The following ZNF611 variants were observed in gnomAD, a reference collection of about 807,000 sequenced individuals.
ZNF611 encodes zinc finger protein 611.
A neutral mutation model predicts 8.9 loss-of-function variants in ZNF611; 6 were observed. The ratio of observed to expected loss-of-function variants is 0.68; its 90% CI spans 0.37 to 1.34. The LOEUF (loss-of-function observed/expected upper bound fraction) is 1.34, where lower values mean the gene tolerates loss of function less well. ZNF611 is among the 40% of genes most tolerant of loss of function. The probability of loss-of-function intolerance (pLI) is 0.02; values close to 1 mark genes in which losing one functional copy is unlikely to be tolerated. For synonymous variants in ZNF611, 262 were observed against 279.7 expected (o/e 0.94, Z 0.63); for missense variants, 874 against 841.3 (o/e 1.04, Z -0.48).
At chr19:52,708,096 C>T (rs951134213) in intron 5 of ZNF611, 3 of 152,160 alleles carry the variant, frequency 2.0e-5, no homozygotes, top group Admixed American at 1.3e-4. Flanking sequence ...CTAAACAACT[C>T]CCTCTTAAGA....
chr19:52,726,936 G>T (rs1050140062), intron 3 of ZNF611, among the ~76,000 whole-genome samples: 1 of 151,964 alleles, frequency 6.6e-6, no homozygotes. Context: ...TGAGATCATG[G>T]CCCACTGCAG....
chr19:52,724,132 G>C (rs1461547011), intron 3 of ZNF611: 2 of 152,216 alleles, frequency 1.3e-5, no homozygotes, highest in Non-Finnish European at 2.9e-5. Context: ...CCCTTTACGG[G>C]TGTCTGGCTG....
At chr19:52,706,985 G>A in intron 5 of ZNF611, 121 bp from the exon 6 acceptor site, 7 of 1,462,026 alleles carry the variant, frequency 4.8e-6, no homozygotes, top group Non-Finnish European at 6.4e-6. Flanking sequence ...CATCTTCAAA[G>A]TTTAGGAAAA....
intron 4 of ZNF611, among the ~76,000 whole-genome samples, 165 bp from the exon 5 acceptor site, chr19:52,714,306 T>C (rs556378769): frequency 1.8e-4 from 27 of 152,186 alleles, no homozygotes; most frequent in Non-Finnish European, 3.4e-4. Context: ...TTGCGTTTTA[T>C]TGTAGTTTTC....
rs1418940508 is a variant in ZNF611, at chr19:52,706,646, C to T, written c.409G>A (p.Gly137Ser). Reference protein sequence around the residue: ...APMTKIKKLTGSTDQHDHRHA... With the variant: ...APMTKIKKLTSSTDQHDHRHA... ...CTGTGATCATGTTGGTCTGTGCTAC[C>T]AGTCAACTTTTTTATTTTTGTCATG... is the stretch of plus-strand genomic sequence containing the variant. Residue 137 changes from glycine (G) to serine (S), a missense_variant, in exon 6 of 6, where the codon GGT (glycine) becomes AGT (serine). Coordinates refer to ENST00000652185, the MANE Select transcript of ZNF611 (RefSeq NM_001161499.2). 1 of 1,613,876 alleles carries T rather than the reference C, an allele frequency of 6.2e-7. No homozygotes were observed. The highest frequency in any genetic ancestry group is 1.7e-5 in the Admixed American group (1 of 59,940).
chr19:52,720,169 TTTC>T (rs941902110), intron 3 of ZNF611, among the ~76,000 whole-genome samples: 3 of 152,250 alleles, frequency 2.0e-5, no homozygotes, highest in African/African-American at 7.2e-5. Flanking sequence ...TGTCTACTTC[TTTC>T]TACACAGACA....
chr19:52,706,205 C>G lies in ZNF611; in HGVS notation c.850G>C (p.Glu284Gln). 1 of 1,614,156 alleles carries G rather than the reference C, an allele frequency of 6.2e-7. No homozygotes were observed. The highest frequency in any genetic ancestry group is 8.5e-7 in the Non-Finnish European group (1 of 1,180,018). The change falls in exon 6 of 6, where the codon GAG (glutamate) becomes CAG (glutamine). Residue 284 changes from glutamate (E) to glutamine (Q), a missense_variant. Physicochemically the swap from Glu to Gln is conservative, Grantham distance 29. Coordinates refer to ENST00000652185, the MANE Select transcript of ZNF611 (RefSeq NM_001161499.2). ...LACHDRCHTV[E>Q]KPYKCKECGK... The stretch of plus-strand genomic sequence containing the variant: ...CACTCTTTACACTTGTAAGGTTTCT[C>G]AACAGTGTGACATCTATCATGGCAT...
chr19:52,704,327 A>T lies in ZNF611; in HGVS notation c.*610T>A. On this transcript the variant is annotated 3_prime_UTR_variant, in exon 6 of 6. Coordinates refer to ENST00000652185, the MANE Select transcript of ZNF611 (RefSeq NM_001161499.2). ...TCTGCATGGAGTGATCTTGGACTGA[A>T]GACCTTGCCACACTGATGACATTTG... 3.4e-6 allele frequency: 2 copies of T among 595,404 alleles called. No homozygotes were observed. The highest frequency in any genetic ancestry group is 6.6e-6 in the Non-Finnish European group (2 of 302,730). 36.9% of individuals were successfully genotyped at this position (595,404 alleles called of 1,614,324 possible). A position where few individuals can be genotyped will look rare whatever the true frequency, so the allele number is the denominator to read the frequency against.
chr19:52,734,118 ATC>A (rs1184061959), intron 1 of ZNF611, among the ~76,000 whole-genome samples: 8 of 83,444 alleles, frequency 9.6e-5, no homozygotes, highest in Non-Finnish European at 2.0e-4. Flanking sequence ...GTGATCCTTC[ATC>A]TCTCTGTACA....
chr19:52,734,858 G>C (rs1013369684), intron 1 of ZNF611, 143 bp downstream of exon 1: 2 of 152,340 alleles, frequency 1.3e-5, no homozygotes, highest in African/African-American at 4.8e-5. Context: ...CGACCCTCGG[G>C]CTCTCACGGG....
At position 52,703,674 on chromosome 19, in the gene ZNF611, C is replaced by T. The variant is rs1387745377; in HGVS notation, c.*1263G>A. The T allele has an allele frequency of 1.3e-5, 2 of 148,406 alleles. No homozygotes were observed. Among genetic ancestry groups the T allele is most frequent in the Non-Finnish European group, 3.0e-5 (2 of 67,682 alleles). The allele number at this position is 148,406 out of a possible 1,614,324, so 9.2% of individuals were successfully genotyped here. ...TGGTGCGATCTCGACTCCCTGCAAG[C>T]TCCGCCTCACAGGTTCATGCCATTC... On this transcript the variant is annotated 3_prime_UTR_variant, in exon 6 of 6. Coordinates refer to ENST00000652185, the MANE Select transcript of ZNF611 (RefSeq NM_001161499.2).
chr19:52,728,324 A>C (rs889044592), intron 3 of ZNF611, among the ~76,000 whole-genome samples: 2 of 152,172 alleles, frequency 1.3e-5, no homozygotes, highest in Non-Finnish European at 2.9e-5. Flanking sequence ...GGATCATCTG[A>C]AATCAGAAGT....
chr19:52,713,671 C>A (rs1177240731), intron 5 of ZNF611, among the ~76,000 whole-genome samples: 1 of 152,136 alleles, frequency 6.6e-6, no homozygotes, highest in Non-Finnish European at 1.5e-5. Flanking sequence ...GTGGGTGGAT[C>A]ACCTGAGGTC....
intron 5 of ZNF611, among the ~76,000 whole-genome samples, chr19:52,707,117 AAAGTAAGG>A (rs898384066): frequency 3.5e-4 from 54 of 152,336 alleles, no homozygotes; most frequent in African/African-American, 1.3e-3. Context: ...GTGTAAGCCT[AAAGTAAGG>A]AGTATTTTTC....
intron 4 of ZNF611, among the ~76,000 whole-genome samples, chr19:52,715,064 G>A (rs1190047236): frequency 6.6e-6 from 1 of 152,152 alleles, no homozygotes; most frequent in East Asian, 1.9e-4. Context: ...AGACATGCCA[G>A]ATATTATGTT....
In ZNF611 at chr19:52,706,167, G is replaced by A; in HGVS notation, c.888C>T (p.Phe296=). 5.0e-6 allele frequency: 8 copies of A among 1,614,022 alleles called. No homozygotes were observed. Among genetic ancestry groups the A allele is most frequent in the Non-Finnish European group, 6.8e-6 (8 of 1,179,940 alleles). ...GGCAGGTAAGGGATGACTCCTGACT[G>A]AAGGTCTTGCCACACTCTTTACACT... ...PYKCKECGKT[F]SQESSLTCHR... The change falls in exon 6 of 6, where the codon TTC becomes TTT. Residue 296 remains phenylalanine (F), a synonymous_variant. Coordinates refer to ENST00000652185, the MANE Select transcript of ZNF611 (RefSeq NM_001161499.2).
At position 52,714,437 on chromosome 19, in the gene ZNF611, C is replaced by A. The variant is rs1389933056; in HGVS notation, c.64-296G>T. 2.6e-5 allele frequency among the ~76,000 whole-genome samples: 4 copies of A among 151,866 alleles called. No individual in the cohort carries two copies. The East Asian group carries it at 5.8e-4, about 22-fold the overall frequency. ...GCATGGCAGTTCACGCTTGTAATCCCAACACTTCAGGAGGCCAAGGCGGGC... is the reference window on the plus strand; with the variant it reads ...GCATGGCAGTTCACGCTTGTAATCCAAACACTTCAGGAGGCCAAGGCGGGC... On this transcript the variant is annotated intron_variant, in intron 4 of 5. Coordinates refer to ENST00000652185, the MANE Select transcript of ZNF611 (RefSeq NM_001161499.2).
rs139650694 is a variant in ZNF611 at position 52,715,852 on chromosome 19, G to A, written c.43C>T (p.Pro15Ser). The A allele has an allele frequency of 1.1e-5, 17 of 1,612,870 alleles. No homozygotes were observed. The highest frequency in any genetic ancestry group is 2.2e-5 in the South Asian group (2 of 91,076). The change falls in exon 4 of 6, where the codon CCA (proline) becomes TCA (serine). Residue 15 changes from proline to serine, a missense_variant. Pro to Ser is a moderately conservative substitution (Grantham distance 74, BLOSUM62 -1). Coordinates refer to ENST00000652185, the MANE Select transcript of ZNF611 (RefSeq NM_001161499.2). ...TTCACCTGAGGAAGAGCCATGCCTG[G>A]CTCCTTTCCTTTCCTCTTCTGAGCT... is the stretch of plus-strand genomic sequence containing the variant. Reference protein sequence around the residue: ...EAAQKRKGKEPGMALPQGRLT... With the variant: ...EAAQKRKGKESGMALPQGRLT...
At chr19:52,707,250 GCT>G in intron 5 of ZNF611, 1 of 138,196 alleles carries the variant, frequency 7.2e-6, no homozygotes, top group Non-Finnish European at 1.5e-5. Flanking sequence ...ACAAATAAAT[GCT>G]AAAAAAAAAA....
Sources: allele counts gnomAD v4.1 joint callset (sites outside exome capture counted in the v4.1 genomes callset), GRCh38; gene constraint gnomAD v4.1.1; transcripts MANE v1.5; gene names NCBI Gene and HGNC (gene_info 2026-07-23, HGNC 2026-07-21).